Variants in MED13 observed in about 807,000 individuals in gnomAD.
The protein encoded by MED13 is mediator of RNA polymerase II transcription subunit 13.
A neutral mutation model predicts 225.2 loss-of-function variants in MED13; 23 were observed. That is an observed-to-expected ratio of 0.10 (90% CI 0.07 to 0.14). The LOEUF (loss-of-function observed/expected upper bound fraction) is 0.14. Among genes scored for constraint, MED13 ranks in the 10% least tolerant of loss-of-function variants. MED13 has a pLI of 1.00. For missense variants in MED13, 2,197 were observed against 2,594.5 expected (o/e 0.85, Z 3.33); for synonymous variants, 942 against 889.2 (o/e 1.06, Z -1.06).
At chr17:61,994,870 CCAGCTACTTTTTGT>C (rs2080334228) in intron 10 of MED13, among the ~76,000 whole-genome samples, 1 of 152,088 alleles carries the variant, frequency 6.6e-6, no homozygotes, top group African/African-American at 2.4e-5. Context: ...ACCACCACAC[CCAGCTACTTTTTGT>C]ATTTTTATTA....
chr17:62,025,057 G>A (rs1490972234), intron 8 of MED13, among the ~76,000 whole-genome samples: 1 of 152,150 alleles, frequency 6.6e-6, no homozygotes, highest in Non-Finnish European at 1.5e-5. Flanking sequence ...TCCAGTAATA[G>A]GATTGCTCGG....
intron 4 of MED13, among the ~76,000 whole-genome samples, chr17:62,034,192 T>C (rs1050452262): frequency 1.6e-4 from 25 of 152,170 alleles, no homozygotes; most frequent in African/African-American, 9.7e-5. Context: ...TGTTAAAAAT[T>C]TGTCTGCCCA....
intron 4 of MED13, 111 bp from the exon 5 acceptor site, chr17:62,034,095 C>T (rs2080781408): frequency 1.2e-6 from 1 of 817,388 alleles, no homozygotes; most frequent in East Asian, 2.6e-5. Context: ...GAAAAGGAAA[C>T]CAGTAATAAC....
Position 61,942,631 on chromosome 17 carries a change from ATT to A in MED13, c.*3835_*3836del, listed in dbSNP as rs1337260501. 1.3e-5 allele frequency: 2 copies of A among 152,142 alleles called. No individual in the cohort carries two copies. Among genetic ancestry groups the A allele is most frequent in the Non-Finnish European group, 2.9e-5 (2 of 67,902 alleles). 9.4% of individuals were successfully genotyped at this position (152,142 alleles called of 1,614,324 possible). A position where few individuals can be genotyped will look rare whatever the true frequency, so the allele number is the denominator to read the frequency against. ...GAAGGCTTCATGAATAATTTATTCC[ATT>A]TGAAGTTTTGTTTTTTGTTTTTGTT... On this transcript the variant is annotated 3_prime_UTR_variant, in exon 30 of 30. Coordinates refer to ENST00000397786, the MANE Select transcript of MED13 (RefSeq NM_005121.3).
chr17:62,060,755 A>G (rs1182855023), intron 2 of MED13, among the ~76,000 whole-genome samples: 2 of 150,804 alleles, frequency 1.3e-5, no homozygotes, highest in South Asian at 2.1e-4. Flanking sequence ...GCTGGAGTGC[A>G]GTGGCAAGAT....
In MED13 at chr17:61,982,695, T is replaced by C. The variant is rs932588831; in HGVS notation, c.3308A>G (p.Lys1103Arg). ...AATGTAAACTCCAACATCGGCACCC[T>C]TGATGTTCATGTTGCAAACACAGAT... is the stretch of plus-strand genomic sequence containing the variant. The part of the protein sequence containing the change: ...CCICVCNMNI[K>R]GADVGVYIPD... The change falls in exon 16 of 30, where the codon AAG (lysine) becomes AGG (arginine). Residue 1103 changes from lysine to arginine, a missense_variant. Physicochemically the swap from Lys to Arg is conservative, Grantham distance 26. Coordinates refer to ENST00000397786, the MANE Select transcript of MED13 (RefSeq NM_005121.3). 1 of 1,614,224 alleles carries C rather than the reference T, an allele frequency of 6.2e-7. No homozygotes were observed. The highest frequency in any genetic ancestry group is 2.2e-5 in the East Asian group (1 of 44,894).
intron 3 of MED13, among the ~76,000 whole-genome samples, chr17:62,049,078 C>CAAAAAAAAAAAAAAAAAAAAAAA (rs890393330): frequency 2.9e-4 from 13 of 45,298 alleles, no homozygotes; most frequent in Middle Eastern, 0.016. Context: ...GTAAATAAGA[C>CAAAAAAAAAAAAAAAAAAAAAAA]AAAAAAAAAA....
At position 61,982,079 on chromosome 17, in the gene MED13, G is replaced by GT. The variant is rs2080209550; in HGVS notation, c.3805+118dup. On this transcript the variant is annotated intron_variant, in intron 16 of 29. Transcript: ENST00000397786. The stretch of plus-strand genomic sequence containing the variant: ...CCTTTAAAAACATCATCCATAAAGA[G>GT]TTTTAAGTCCAACTTTAAATGTATT... 3.2e-6 allele frequency: 3 copies of GT among 928,236 alleles called. No individual in the cohort carries two copies. The South Asian group carries it at 5.3e-5, about 16-fold the overall frequency. 57.5% of individuals were successfully genotyped at this position (928,236 alleles called of 1,614,324 possible). A position where few individuals can be genotyped will look rare whatever the true frequency, so the allele number is the denominator to read the frequency against.
At chr17:61,997,481 T>C (rs1319019277) in intron 9 of MED13, among the ~76,000 whole-genome samples, 2 of 152,268 alleles carry the variant, frequency 1.3e-5, no homozygotes, top group African/African-American at 4.8e-5. Flanking sequence ...AGCTGAATTG[T>C]CTACCAAATA....
At chr17:62,058,392 A>G (rs1603410405) in intron 2 of MED13, among the ~76,000 whole-genome samples, 1 of 151,990 alleles carries the variant, frequency 6.6e-6, no homozygotes, top group East Asian at 1.9e-4. Flanking sequence ...GTGATGACAC[A>G]TGCCTGTAGT....
chr17:62,056,817 T>C (rs977036056), intron 2 of MED13, among the ~76,000 whole-genome samples: 1 of 152,166 alleles, frequency 6.6e-6, no homozygotes. Context: ...GAAAATAAAG[T>C]TCAACTCTGC....
At chr17:62,023,138 A>C (rs1389519464) in intron 8 of MED13, among the ~76,000 whole-genome samples, 1 of 152,178 alleles carries the variant, frequency 6.6e-6, no homozygotes, top group African/African-American at 2.4e-5. Flanking sequence ...GGTCAAGGGG[A>C]ACTTAGGCTT....
At chr17:62,033,118 A>C (rs2080772192) in intron 5 of MED13, among the ~76,000 whole-genome samples, 1 of 152,034 alleles carries the variant, frequency 6.6e-6, no homozygotes, top group Non-Finnish European at 1.5e-5. Context: ...GCGCCATTGC[A>C]CTCCAGCCTG....
intron 23 of MED13, among the ~76,000 whole-genome samples, chr17:61,957,400 A>G (rs1216445221): frequency 6.6e-6 from 1 of 151,360 alleles, no homozygotes. Context: ...CCTAGGCTAG[A>G]GTGCAGTGGC....
rs2080229814 is a variant in MED13, at chr17:61,984,285, C to T, written c.2774G>A (p.Ser925Asn). The T allele has an allele frequency of 1.9e-6, 3 of 1,611,356 alleles. No individual in the cohort carries two copies. Among genetic ancestry groups the T allele is most frequent in the Non-Finnish European group, 2.5e-6 (3 of 1,179,044 alleles). The change falls in exon 15 of 30, where the codon AGC (serine) becomes AAC (asparagine). Residue 925 changes from serine to asparagine, a missense_variant. Physicochemically the swap from Ser to Asn is conservative, Grantham distance 46. Transcript: ENST00000397786. ...SMFAPLKTLP[S>N]QYLPPIKLPE... is the part of the protein sequence containing the mutation. ...CAATTTGATAGGGGGCAGATATTGG[C>T]TTGGTAGAGTTTTTAGAGGTGCAAA... is the stretch of plus-strand genomic sequence containing the variant.
chr17:61,949,382 A>ACC (rs2079877912), intron 28 of MED13, among the ~76,000 whole-genome samples: 1 of 152,044 alleles, frequency 6.6e-6, no homozygotes, highest in African/African-American at 2.4e-5. Flanking sequence ...GGCACATGCC[A>ACC]CCATGCCTAA....
intron 11 of MED13, among the ~76,000 whole-genome samples, chr17:61,987,371 T>G (rs1387046605): frequency 1.3e-5 from 2 of 152,064 alleles, no homozygotes; most frequent in South Asian, 2.1e-4. Flanking sequence ...GAGGCAGAGG[T>G]TGCAGTGAGC....
At chr17:62,038,393 A>G (rs1230381371) in intron 3 of MED13, among the ~76,000 whole-genome samples, 1 of 151,982 alleles carries the variant, frequency 6.6e-6, no homozygotes, top group African/African-American at 2.4e-5. Context: ...AAAAAAAGAT[A>G]TTTAAAATGG....
At chr17:61,992,871 G>C (rs2080312167) in intron 10 of MED13, among the ~76,000 whole-genome samples, 1 of 304 alleles carries the variant, frequency 3.3e-3, no homozygotes, top group Admixed American at 0.05. Flanking sequence ...TAGGTCAAGT[G>C]ATCTCCTGCC....
Sources: gnomAD v4.1 joint callset for allele counts (sites outside exome capture counted in the v4.1 genomes callset) on GRCh38, gnomAD v4.1.1 for gene constraint, MANE v1.5 for transcripts, NCBI Gene and HGNC (gene_info 2026-07-23, HGNC 2026-07-21) for gene names.